The following SH2D4B variants were observed in gnomAD, a reference collection of about 807,000 sequenced individuals.
The protein encoded by SH2D4B is SH2 domain containing 4B.
A neutral mutation model predicts 61.5 loss-of-function variants in SH2D4B; 45 were observed. The ratio of observed to expected loss-of-function variants is 0.73; its 90% confidence interval spans 0.58 to 0.94. The LOEUF is 0.94. SH2D4B is among the 40% of genes least tolerant of loss of function. The pLI, the probability that SH2D4B is intolerant of heterozygous loss-of-function variation, is 0.00. For missense variants in SH2D4B, 572 were observed against 574.2 expected, an observed-to-expected ratio of 1.00 and a Z score of 0.04; for synonymous variants, 224 against 220.4, an observed-to-expected ratio of 1.02 and a Z score of -0.14.
At chr10:80,555,779 C>T (rs1380576527) in intron 1 of SH2D4B, among the ~76,000 whole-genome samples, 1 of 152,202 alleles carries the variant, frequency 6.6e-6, no homozygotes, top group African/African-American at 2.4e-5. Context: ...CTATTGGTCA[C>T]CCTACCTCTG....
Position 80,538,149 on chromosome 10 carries a change from T to G in SH2D4B, c.-183T>G. On this transcript the variant is annotated 5_prime_UTR_variant, in exon 1 of 8. It removes the in-frame stop codon of an upstream open reading frame in the 5' UTR. Transcript: ENST00000646907. The surrounding 1 kb of genome is among the most constrained non-coding windows in gnomAD (Gnocchi z 4.8). ...GCCTGGCCTCTTTTGCTGTCCTGGG[T>G]AGAGGAGATGAGTTCGTCGCTGGCT... is the stretch of plus-strand genomic sequence containing the variant. 4.9e-6 allele frequency: 2 copies of G among 409,510 alleles called. No individual in the cohort carries two copies. The allele number at this position is 409,510 out of a possible 1,614,324, so 25.4% of individuals were successfully genotyped here.
intron 3 of SH2D4B, among the ~76,000 whole-genome samples, chr10:80,580,888 CTT>C (rs1228085835): frequency 1.3e-5 from 2 of 152,124 alleles, no homozygotes; most frequent in Non-Finnish European, 2.9e-5. Context: ...GCAGGGGAGT[CTT>C]TGCGTGTCTG....
chr10:80,562,902 T>C (rs993045285), intron 1 of SH2D4B, among the ~76,000 whole-genome samples: 29 of 127,354 alleles, frequency 2.3e-4, no homozygotes, highest in African/African-American at 8.7e-4. Context: ...TTCTTTTTTT[T>C]TTTTTTTTTT....
At chr10:80,609,326 T>A in intron 5 of SH2D4B, 98 bp from the exon 6 acceptor site, 7 of 866,394 alleles carry the variant, frequency 8.1e-6, no homozygotes, top group Non-Finnish European at 8.0e-6. Context: ...TCCTTTTACC[T>A]TCCTCTCCCT....
intron 3 of SH2D4B, among the ~76,000 whole-genome samples, chr10:80,579,519 A>G (rs932065000): frequency 2.0e-5 from 3 of 152,048 alleles, no homozygotes; most frequent in Non-Finnish European, 2.9e-5. Flanking sequence ...ACACGGCTCA[A>G]TAAACATCCT....
intron 6 of SH2D4B, among the ~76,000 whole-genome samples, chr10:80,633,221 C>T (rs1035940768): frequency 1.3e-5 from 2 of 151,932 alleles, no homozygotes; most frequent in African/African-American, 4.8e-5. Context: ...TGTCCCCATG[C>T]CTGTCACTGA....
intron 6 of SH2D4B, among the ~76,000 whole-genome samples, chr10:80,612,504 T>A (rs1271137998): frequency 6.6e-6 from 1 of 152,116 alleles, no homozygotes; most frequent in Non-Finnish European, 1.5e-5. Context: ...AGGACAGACA[T>A]CAGAGAGCAA....
chr10:80,549,203 T>TGTGTGTGTGTGTG (rs59438371), intron 1 of SH2D4B, among the ~76,000 whole-genome samples: 35 of 120,298 alleles, frequency 2.9e-4, no homozygotes, highest in African/African-American at 1.0e-3. Flanking sequence ...TGGGACTTGA[T>TGTGTGTGTGTGTG]TGTGTGTGTG....
intron 4 of SH2D4B, among the ~76,000 whole-genome samples, chr10:80,600,355 A>G (rs559960805): frequency 4.7e-4 from 72 of 152,342 alleles, no homozygotes; most frequent in African/African-American, 1.7e-3. Context: ...ATGTAACCGG[A>G]TCATCTGAAT....
chr10:80,555,405 C>T (rs900411764), intron 1 of SH2D4B, among the ~76,000 whole-genome samples: 1 of 152,230 alleles, frequency 6.6e-6, no homozygotes, highest in African/African-American at 2.4e-5. Context: ...CTTGCTTCTG[C>T]AGACCAGGTT....
chr10:80,548,796 C>G (rs1005938541), intron 1 of SH2D4B, among the ~76,000 whole-genome samples: 5 of 152,216 alleles, frequency 3.3e-5, no homozygotes, highest in African/African-American at 1.2e-4. Context: ...ATGGGACCAG[C>G]CACATCACTG....
intron 6 of SH2D4B, among the ~76,000 whole-genome samples, chr10:80,629,313 C>A (rs1299591722): frequency 6.6e-6 from 1 of 152,176 alleles, no homozygotes; most frequent in Admixed American, 6.5e-5. Flanking sequence ...CACTCACTAT[C>A]CTGAGGATGG....
At chr10:80,592,880 T>A (rs545159450) in intron 4 of SH2D4B, among the ~76,000 whole-genome samples, 2,555 of 118,152 alleles carry the variant, frequency 0.022, 29 homozygotes, top group Middle Eastern at 0.043. Context: ...CATGCCTAGT[T>A]TTTTTTTTTC....
At chr10:80,628,633 G>A (rs907428595) in intron 6 of SH2D4B, among the ~76,000 whole-genome samples, 1 of 152,166 alleles carries the variant, frequency 6.6e-6, no homozygotes, top group Non-Finnish European at 1.5e-5. Context: ...ATGGAATGCT[G>A]TTTGCTATCC....
In SH2D4B at chr10:80,644,146, T is replaced by G. The variant is rs1840356145; in HGVS notation, c.*61T>G. On this transcript the variant is annotated 3_prime_UTR_variant, in exon 8 of 8. Transcript: ENST00000646907. ...CTGTTTTTGAACTCAGCTTAAGAAC[T>G]TCTCATCTCAAATCCTATGGCCTTC... 2 of 1,350,778 alleles carry G rather than the reference T, an allele frequency of 1.5e-6. No homozygotes were observed. The highest frequency in any genetic ancestry group is 1.7e-5 in the Admixed American group (1 of 57,186). The allele number at this position is 1,350,778 out of a possible 1,614,324, so 83.7% of individuals were successfully genotyped here. A position where few individuals can be genotyped will look rare whatever the true frequency, so the allele number is the denominator to read the frequency against.
chr10:80,591,461 A>G (rs1842325554), intron 4 of SH2D4B, among the ~76,000 whole-genome samples: 1 of 150,738 alleles, frequency 6.6e-6, no homozygotes, highest in Non-Finnish European at 1.5e-5. Context: ...GAGGCAGTGG[A>G]AGGCATCACA....
chr10:80,612,264 T>C (rs537093363), intron 6 of SH2D4B, among the ~76,000 whole-genome samples: 1 of 149,710 alleles, frequency 6.7e-6, no homozygotes, highest in African/African-American at 2.5e-5. Context: ...TCTCTTTCAA[T>C]ATAGGAATTC....
intron 1 of SH2D4B, among the ~76,000 whole-genome samples, chr10:80,566,874 C>T (rs117403636): frequency 0.014 from 2,077 of 152,292 alleles, 20 homozygotes; most frequent in Non-Finnish European, 0.02. Context: ...CTCTCTGTTT[C>T]TATCAGTTAT....
chr10:80,617,495 C>T (rs947027092), intron 6 of SH2D4B, among the ~76,000 whole-genome samples: 1 of 152,170 alleles, frequency 6.6e-6, no homozygotes, highest in Non-Finnish European at 1.5e-5. Context: ...TGAGTAAAGG[C>T]ATGTAAATAA....
Sources: allele counts gnomAD v4.1 joint callset (sites outside exome capture counted in the v4.1 genomes callset), GRCh38; gene constraint gnomAD v4.1.1; non-coding constraint Gnocchi (gnomAD v3.1); transcripts MANE v1.5; gene names NCBI Gene and HGNC (gene_info 2026-07-23, HGNC 2026-07-21).